The following PFKP variants were observed in gnomAD, a reference collection of about 807,000 sequenced individuals.
The protein encoded by PFKP is ATP-dependent 6-phosphofructokinase, platelet type.
In PFKP, 101 loss-of-function variants were observed where a neutral mutation model predicts 94.3. The ratio of observed to expected loss-of-function variants is 1.07; its 90% CI spans 0.91 to 1.26. The LOEUF (loss-of-function observed/expected upper bound fraction) is 1.26. PFKP is among the 50% of genes most tolerant of loss of function. The pLI is 0.00. For missense variants in PFKP, 1,145 were observed against 1,103.3 expected (o/e 1.04, Z -0.53); for synonymous variants, 573 against 432.6 (o/e 1.32, Z -4.03).
chr10:3,102,243 T>G (rs1389363200), intron 4 of PFKP, among the ~76,000 whole-genome samples: 2 of 44,718 alleles, frequency 4.5e-5, no homozygotes, highest in African/African-American at 1.3e-4. Flanking sequence ...AGAGCGAGAC[T>G]CTGTCTCAAA....
At chr10:3,134,013 A>G (rs1761074690) in intron 19 of PFKP, among the ~76,000 whole-genome samples, 2 of 152,220 alleles carry the variant, frequency 1.3e-5, no homozygotes, top group African/African-American at 4.8e-5. Context: ...TTATGAGCTG[A>G]GCCTGGGACA....
chr10:3,079,565 C>A (rs563926009), intron 1 of PFKP, among the ~76,000 whole-genome samples: 1 of 149,822 alleles, frequency 6.7e-6, no homozygotes, highest in South Asian at 2.1e-4. Flanking sequence ...TTTATTCCTT[C>A]TTCTATGTCT....
chr10:3,136,717 C>G lies in PFKP; in HGVS notation c.*138C>G. The G allele has an allele frequency of 2.6e-6, 2 of 765,840 alleles. No homozygotes were observed. Among genetic ancestry groups the G allele is most frequent in the Non-Finnish European group, 4.2e-6 (2 of 472,218 alleles). 47.4% of individuals were successfully genotyped at this position (765,840 alleles called of 1,614,324 possible). A position where few individuals can be genotyped will look rare whatever the true frequency, so the allele number is the denominator to read the frequency against. On this transcript the variant is annotated 3_prime_UTR_variant, in exon 22 of 22. Transcript: ENST00000381125. ...CGAGTGCCCATCTGCCCCACCTGCTCCAGTGCGTGCTGTCTGTGGAGTGTG... is the reference window on the plus strand; with the variant it reads ...CGAGTGCCCATCTGCCCCACCTGCTGCAGTGCGTGCTGTCTGTGGAGTGTG...
chr10:3,082,428 C>T lies in PFKP; in HGVS notation c.153C>T (p.Ile51=). The change falls in exon 2 of 22, where the codon ATC becomes ATT. Residue 51 remains isoleucine, a synonymous_variant. Transcript: ENST00000381125. Reference sequence around the variant, plus strand: ...TCCGTGCCGTGGTGCGCATGGGTATCTACGTGGGGGCCAAGGTGTACTTCA... The same window carrying T: ...TCCGTGCCGTGGTGCGCATGGGTATTTACGTGGGGGCCAAGGTGTACTTCA... ...AAVRAVVRMG[I]YVGAKVYFIY... is the part of the protein sequence containing the mutation. The T allele has an allele frequency of 6.2e-7, 1 of 1,608,218 alleles. No homozygotes were observed. Among genetic ancestry groups the T allele is most frequent in the African/African-American group, 1.3e-5 (1 of 74,862 alleles).
At chr10:3,119,771 C>G in intron 15 of PFKP, 121 bp from the exon 16 acceptor site, 6 of 634,266 alleles carry the variant, frequency 9.5e-6, no homozygotes, top group Admixed American at 3.3e-5. Context: ...GGAGTGTTTT[C>G]GTGATGCCCC....
chr10:3,106,010 G>GTGCAGC (rs1008932103), intron 7 of PFKP, among the ~76,000 whole-genome samples: 1 of 152,204 alleles, frequency 6.6e-6, no homozygotes, highest in South Asian at 2.1e-4. Context: ...GGCCTTTCGG[G>GTGCAGC]TGCAGCTGCA....
intron 10 of PFKP, among the ~76,000 whole-genome samples, chr10:3,111,072 T>G (rs1281075368): frequency 6.6e-6 from 1 of 151,258 alleles, no homozygotes; most frequent in African/African-American, 2.4e-5. Context: ...GTGTGTGAGG[T>G]AATGCATCTG....
chr10:3,074,113 T>TA lies in PFKP; in HGVS notation c.112+6407dup, dbSNP rs376307194. Among the ~76,000 whole-genome samples the TA allele has an allele frequency of 7.4e-3, 1,133 of 152,344 alleles. 13 individuals are homozygous for TA. Among genetic ancestry groups the TA allele is most frequent in the African/African-American group, 0.026 (1,100 of 41,580 alleles). On this transcript the variant is annotated intron_variant, in intron 1 of 21. Coordinates refer to ENST00000381125, the MANE Select transcript of PFKP (RefSeq NM_002627.5). The stretch of plus-strand genomic sequence containing the variant: ...CCTTGGCCTCCCAAAGTGCTGGTAT[T>TA]ACAGGCTGGAGCCACTGCACCCAGC...
intron 13 of PFKP, among the ~76,000 whole-genome samples, chr10:3,115,905 T>A (rs1836789795): frequency 2.0e-5 from 3 of 152,114 alleles, no homozygotes; most frequent in Non-Finnish European, 4.4e-5. Context: ...TGATCCACCT[T>A]CCACCACCAC....
Position 3,133,318 on chromosome 10 carries a change from G to T in PFKP, c.2022+4G>T. On this transcript the variant is annotated splice_donor_region_variant and intron_variant, in intron 19 of 21. Coordinates refer to ENST00000381125, the MANE Select transcript of PFKP (RefSeq NM_002627.5). ...CGTGCTGGGTCACATGCAGCAGGTA[G>T]GCCCGAGACTGCATGAGGGGCCACA... 1.3e-6 allele frequency: 2 copies of T among 1,587,296 alleles called. No homozygotes were observed. The highest frequency in any genetic ancestry group is 1.7e-6 in the Non-Finnish European group (2 of 1,155,458).
intron 1 of PFKP, among the ~76,000 whole-genome samples, chr10:3,081,050 T>C (rs1833028708): frequency 6.6e-6 from 1 of 152,226 alleles, no homozygotes; most frequent in African/African-American, 2.4e-5. Flanking sequence ...CTTTGTGTTA[T>C]AAGCTAGGTT....
chr10:3,133,561 G>C (rs893082606), intron 19 of PFKP, among the ~76,000 whole-genome samples: 5 of 152,330 alleles, frequency 3.3e-5, no homozygotes, highest in Admixed American at 6.5e-5. Flanking sequence ...CTCCCGAGGA[G>C]ATGGCAGTAT....
At chr10:3,129,529 TCCCC>T in intron 16 of PFKP, 1 of 411,424 alleles carries the variant, frequency 2.4e-6, no homozygotes, top group Non-Finnish European at 4.4e-6. Flanking sequence ...GTCTTTTCCG[TCCCC>T]TTCTATGGGG....
intron 1 of PFKP, chr10:3,068,732 A>G: frequency 1.0e-6 from 1 of 982,610 alleles, no homozygotes; most frequent in Non-Finnish European, 1.2e-6. Flanking sequence ...GATCCGTGCA[A>G]TCCCTGGCGG....
intron 2 of PFKP, among the ~76,000 whole-genome samples, chr10:3,090,798 G>T (rs1452675427): frequency 6.6e-6 from 1 of 152,070 alleles, no homozygotes; most frequent in African/African-American, 2.4e-5. Flanking sequence ...CGCTGTTCTA[G>T]ACCTATTTGG....
rs35306351 is a variant in PFKP at position 3,077,249 on chromosome 10, CTTTTT to C, written c.113-5132_113-5128del. On this transcript the variant is annotated intron_variant, in intron 1 of 21. Coordinates refer to ENST00000381125, the MANE Select transcript of PFKP (RefSeq NM_002627.5). ...TTCATTAGAGTTCATCTATTCTTTA[CTTTTT>C]TTTTTTCTTTTTTTTTTTTTTTTTT... Among the ~76,000 whole-genome samples the C allele has an allele frequency of 8.0e-3, 869 of 108,212 alleles. 11 individuals carry two copies. The highest frequency in any genetic ancestry group is 0.027 in the African/African-American group (807 of 29,420). The allele number at this position is 108,212 out of a possible 152,430, so 71.0% of individuals were successfully genotyped here. A position where few individuals can be genotyped will look rare whatever the true frequency, so the allele number is the denominator to read the frequency against.
chr10:3,129,070 C>T (rs964583167), intron 16 of PFKP: 1 of 152,196 alleles, frequency 6.6e-6, no homozygotes, highest in Non-Finnish European at 1.5e-5. Flanking sequence ...ATTGGAGGGT[C>T]CCGGGGTGGG....
intron 16 of PFKP, chr10:3,125,152 G>A (rs760652000): frequency 1.4e-5 from 19 of 1,348,704 alleles, no homozygotes; most frequent in Non-Finnish European, 1.8e-5. Context: ...CAGGAGCTTT[G>A]CATCCCCCTG....
At chr10:3,126,811 T>A (rs1043460501) in intron 16 of PFKP, among the ~76,000 whole-genome samples, 8 of 152,262 alleles carry the variant, frequency 5.3e-5, no homozygotes, top group African/African-American at 1.7e-4. Context: ...CTCGCTCCCA[T>A]GGGACTCCTC....
Sources: allele counts gnomAD v4.1 joint callset (sites outside exome capture counted in the v4.1 genomes callset), GRCh38; gene constraint gnomAD v4.1.1; transcripts MANE v1.5; gene names NCBI Gene and HGNC (gene_info 2026-07-23, HGNC 2026-07-21).